The following MRPL14 variants were observed in gnomAD, a reference collection of about 807,000 sequenced individuals.
MRPL14 encodes the protein large ribosomal subunit protein uL14m.
MRPL14 carries 8 observed loss-of-function variants against 10.9 expected under a neutral mutation model. That is an observed-to-expected ratio of 0.74 (90% CI 0.43 to 1.33). The LOEUF is 1.33. MRPL14 is among the 40% of genes most tolerant of loss of function. MRPL14 has a pLI of 0.01. For missense variants in MRPL14, 179 were observed against 194.5 expected (o/e 0.92, Z 0.47); for synonymous variants, 82 against 74.1 (o/e 1.11, Z -0.54).
At chr6:44,115,407 G>C (rs1366038645) in intron 2 of MRPL14, among the ~76,000 whole-genome samples, 1 of 152,048 alleles carries the variant, frequency 6.6e-6, no homozygotes, top group African/African-American at 2.4e-5. Flanking sequence ...CACTTATCTA[G>C]ACGATGGCTT....
chr6:44,126,203 AAC>A (rs1211484153), intron 1 of MRPL14, among the ~76,000 whole-genome samples: 1 of 152,200 alleles, frequency 6.6e-6, no homozygotes, highest in East Asian at 1.9e-4. Context: ...GACCTACAGA[AAC>A]ACACTGTAGA....
chr6:44,113,917 G>T lies in MRPL14; in HGVS notation c.364C>A (p.Pro122Thr). 6.2e-7 allele frequency: 1 copy of T among 1,609,310 alleles called. No homozygotes were observed. Among genetic ancestry groups the T allele is most frequent in the Non-Finnish European group, 8.5e-7 (1 of 1,175,972 alleles). ...CGCTTGCGCAGGCTGGTGGGGATGG[G>T]TGTCTTAATTCGTGTCCCCACAGGG... ...GNPVGTRIKT[P>T]IPTSLRKREG... The change falls in exon 3 of 3, where the codon CCC becomes ACC. Residue 122 changes from proline (P) to threonine (T), a missense_variant. By Grantham distance (38) the Pro-to-Thr change is conservative. Coordinates refer to ENST00000372014, the MANE Select transcript of MRPL14 (RefSeq NM_032111.4).
At chr6:44,115,478 A>C (rs1268038577) in intron 2 of MRPL14, among the ~76,000 whole-genome samples, 1 of 152,144 alleles carries the variant, frequency 6.6e-6, no homozygotes, top group Non-Finnish European at 1.5e-5. Context: ...CTGGCCACCA[A>C]GTCCTGTTAA....
chr6:44,126,087 A>G (rs1307229541), intron 1 of MRPL14, among the ~76,000 whole-genome samples: 1 of 152,236 alleles, frequency 6.6e-6, no homozygotes, highest in Non-Finnish European at 1.5e-5. Flanking sequence ...TGGCATGCTA[A>G]CTGCATCCTC....
At chr6:44,116,139 G>A (rs1197780108) in intron 2 of MRPL14, among the ~76,000 whole-genome samples, 1 of 152,234 alleles carries the variant, frequency 6.6e-6, no homozygotes, top group Non-Finnish European at 1.5e-5. Context: ...TCTACAAGGA[G>A]GGGAGGGTGT....
intron 1 of MRPL14, among the ~76,000 whole-genome samples, chr6:44,125,149 A>C (rs1776824810): frequency 6.6e-6 from 1 of 152,166 alleles, no homozygotes; most frequent in East Asian, 1.9e-4. Flanking sequence ...GCAATAATAA[A>C]ATATTTTGGC....
intron 1 of MRPL14, among the ~76,000 whole-genome samples, chr6:44,122,567 G>A (rs915905725): frequency 1.3e-5 from 2 of 152,060 alleles, no homozygotes; most frequent in Non-Finnish European, 2.9e-5. Context: ...CAATCTTTAG[G>A]TGCCTGGCCG....
At chr6:44,124,802 C>G (rs1776779838) in intron 1 of MRPL14, among the ~76,000 whole-genome samples, 1 of 152,094 alleles carries the variant, frequency 6.6e-6, no homozygotes, top group South Asian at 2.1e-4. Context: ...TAAAATCACA[C>G]CAGGGTAAGC....
In MRPL14 at chr6:44,127,408, G is replaced by C. The variant is rs941733183; in HGVS notation, c.-83C>G. On this transcript the variant is annotated 5_prime_UTR_variant, in exon 1 of 3. Transcript: ENST00000372014. ...CAGCCAAGCGCCGCCTTCGCCCCAC[G>C]CGGCCTCTTCCTAGCGCCTGCGCGC... 2.0e-5 allele frequency: 3 copies of C among 151,314 alleles called. No homozygotes were observed. Among genetic ancestry groups the C allele is most frequent in the Non-Finnish European group, 4.4e-5 (3 of 68,116 alleles). The allele number at this position is 151,314 out of a possible 1,614,324, so 9.4% of individuals were successfully genotyped here.
At chr6:44,119,098 T>TG (rs1776153726) in intron 1 of MRPL14, among the ~76,000 whole-genome samples, 1 of 152,222 alleles carries the variant, frequency 6.6e-6, no homozygotes, top group Non-Finnish European at 1.5e-5. Context: ...TGGCTAGGAA[T>TG]GACTAGGCTG....
intron 1 of MRPL14, among the ~76,000 whole-genome samples, chr6:44,118,397 G>A (rs1193175792): frequency 1.3e-5 from 2 of 152,156 alleles, no homozygotes; most frequent in African/African-American, 4.8e-5. Context: ...TTAAAGATTA[G>A]AAAATTGATA....
intron 1 of MRPL14, among the ~76,000 whole-genome samples, chr6:44,120,621 A>T (rs1562100093): frequency 6.6e-6 from 1 of 152,212 alleles, no homozygotes; most frequent in African/African-American, 2.4e-5. Context: ...AAAAGAATCA[A>T]ATATTCACTT....
At chr6:44,117,247 A>AC (rs1192999928) in intron 1 of MRPL14, among the ~76,000 whole-genome samples, 7 of 152,158 alleles carry the variant, frequency 4.6e-5, no homozygotes, top group Non-Finnish European at 8.8e-5. Context: ...TGGAAAACTG[A>AC]CCTACACCAT....
At chr6:44,121,714 C>T (rs1241448350) in intron 1 of MRPL14, among the ~76,000 whole-genome samples, 1 of 152,186 alleles carries the variant, frequency 6.6e-6, no homozygotes, top group African/African-American at 2.4e-5. Context: ...CCAAGGCGGG[C>T]GGATCCCCTG....
chr6:44,120,913 C>T (rs1332700051), intron 1 of MRPL14, among the ~76,000 whole-genome samples: 1 of 152,154 alleles, frequency 6.6e-6, no homozygotes, highest in Non-Finnish European at 1.5e-5. Context: ...TTAGCCCGTG[C>T]TTTGTTTCCA....
chr6:44,114,195 A>T lies in MRPL14; in HGVS notation c.86T>A (p.Leu29Gln). ...CCGCGTCATCTTCTGAATCGCACTC[A>T]GACTCCCAGTGGTGCTGGTGGGAGG... ...SHHCFSTTGS[L>Q]SAIQKMTRVR... Residue 29 changes from leucine to glutamine, a missense_variant, in exon 3 of 3, where the codon CTG (leucine) becomes CAG (glutamine). Transcript: ENST00000372014. 4 of 1,609,156 alleles carry T rather than the reference A, an allele frequency of 2.5e-6. No individual in the cohort carries two copies. In the African/African-American group the frequency reaches 5.3e-5, roughly 21 times the overall value.
chr6:44,119,613 A>G (rs946576071), intron 1 of MRPL14, among the ~76,000 whole-genome samples: 2 of 148,402 alleles, frequency 1.3e-5, no homozygotes, highest in Non-Finnish European at 3.1e-5. Flanking sequence ...ATGTAGACAC[A>G]TATCAGGTGA....
chr6:44,124,420 C>G (rs1057320145), intron 1 of MRPL14, among the ~76,000 whole-genome samples: 8 of 152,190 alleles, frequency 5.3e-5, no homozygotes, highest in African/African-American at 1.4e-4. Flanking sequence ...TGTGGACAAT[C>G]CTTCTCTGAA....
At position 44,114,181 on chromosome 6, in the gene MRPL14, T is replaced by A. The variant is rs780948752; in HGVS notation, c.100A>T (p.Lys34Ter). ...TCCACCACTCGTACCCGCGTCATCT[T>A]CTGAATCGCACTCAGACTCCCAGTG... ...STTGSLSAIQ[K>*]MTRVRVVDNS... The change falls in exon 3 of 3, where the codon AAG (lysine) becomes TAG (stop). Residue 34 changes from lysine to a stop codon, truncating the protein, a stop_gained. Transcript: ENST00000372014. LOFTEE classifies it high-confidence loss of function. 1.1e-5 allele frequency: 17 copies of A among 1,612,152 alleles called. No individual in the cohort carries two copies. The highest frequency in any genetic ancestry group is 1.4e-5 in the Non-Finnish European group (17 of 1,178,448).
Sources: gnomAD v4.1 joint callset for allele counts (sites outside exome capture counted in the v4.1 genomes callset) on GRCh38, gnomAD v4.1.1 for gene constraint, MANE v1.5 for transcripts, NCBI Gene and HGNC (gene_info 2026-07-23, HGNC 2026-07-21) for gene names.